The following SIK3 variants were observed in gnomAD, a reference collection of about 807,000 sequenced individuals.
SIK3 encodes the protein serine/threonine-protein kinase SIK3.
A neutral mutation model predicts 144.2 loss-of-function variants in SIK3; 28 were observed. The observed-to-expected ratio is 0.19, with a 90% CI of 0.14 to 0.27. The LOEUF is 0.27. Ranked by LOEUF, SIK3 falls within the 10% of genes least tolerant of loss-of-function variation. The pLI, the probability that SIK3 is intolerant of heterozygous loss-of-function variation, is 1.00. For synonymous variants in SIK3, 686 were observed against 676.3 expected (o/e 1.01, Z -0.22); for missense variants, 1,319 against 1,776.0 (o/e 0.74, Z 4.62).
rs117439578 is a variant in SIK3 at position 116,921,719 on chromosome 11, G to A, written c.616+5500C>T. Reference sequence around the variant, plus strand: ...TCAAGGCTTCTTCTGTATTACTAATGACAGAAACATCTCTTTAAAAATTCT... The same window carrying A: ...TCAAGGCTTCTTCTGTATTACTAATAACAGAAACATCTCTTTAAAAATTCT... On this transcript the variant is annotated intron_variant, in intron 4 of 24. Transcript: ENST00000445177. Among the ~76,000 whole-genome samples the A allele has an allele frequency of 4.1e-3, 620 of 152,158 alleles. 3 individuals are homozygous for A. The highest frequency in any genetic ancestry group is 0.017 in the Middle Eastern group (5 of 294).
At chr11:116,991,410 G>A (rs1472407375) in intron 1 of SIK3, among the ~76,000 whole-genome samples, 1 of 152,206 alleles carries the variant, frequency 6.6e-6, no homozygotes, top group African/African-American at 2.4e-5. Context: ...TCATGCCACT[G>A]CGCTCCAGTA....
intron 1 of SIK3, among the ~76,000 whole-genome samples, chr11:116,991,862 G>A (rs1385849700): frequency 2.0e-5 from 3 of 152,034 alleles, no homozygotes; most frequent in Non-Finnish European, 4.4e-5. Context: ...GACATCTTCA[G>A]GCAAAATTAA....
intron 1 of SIK3, among the ~76,000 whole-genome samples, chr11:117,063,497 T>A (rs922513513): frequency 6.6e-6 from 1 of 151,968 alleles, no homozygotes; most frequent in Admixed American, 6.6e-5. Flanking sequence ...AGGTAAATAA[T>A]CCTTCTGGCC....
At chr11:117,048,909 T>G (rs1180890536) in intron 1 of SIK3, among the ~76,000 whole-genome samples, 3 of 152,150 alleles carry the variant, frequency 2.0e-5, no homozygotes, top group Non-Finnish European at 4.4e-5. Context: ...GAGACCACCC[T>G]GACCAACATG....
intron 18 of SIK3, 67 bp downstream of exon 18, chr11:116,861,774 G>T: frequency 2.9e-6 from 3 of 1,044,570 alleles, no homozygotes; most frequent in Non-Finnish European, 2.9e-6. Flanking sequence ...ATATCTCCCA[G>T]TGAGTCAAGC....
chr11:117,054,346 C>T (rs1953409295), intron 1 of SIK3, among the ~76,000 whole-genome samples: 1 of 152,164 alleles, frequency 6.6e-6, no homozygotes. Context: ...ACAGAACAGT[C>T]AGTAGTCTGC....
intron 3 of SIK3, among the ~76,000 whole-genome samples, chr11:116,951,084 C>CT (rs1948913555): frequency 6.6e-6 from 1 of 152,196 alleles, no homozygotes; most frequent in South Asian, 2.1e-4. Context: ...CTCATTTAAT[C>CT]TTCACAACTA....
chr11:116,933,428 T>C (rs7107702), intron 3 of SIK3, among the ~76,000 whole-genome samples: 48,066 of 152,110 alleles, frequency 0.32, 8,689 homozygotes, highest in African/African-American at 0.5. Context: ...CGTGAGCCAC[T>C]GCACCTGGCC....
At chr11:116,982,957 AAAAAAAAAAAAAT>A (rs1181477596) in intron 1 of SIK3, among the ~76,000 whole-genome samples, 1 of 150,964 alleles carries the variant, frequency 6.6e-6, no homozygotes, top group East Asian at 2.0e-4. Flanking sequence ...AAAAAAAAAA[AAAAAAAAAAAAAT>A]TTCTGACCCG....
chr11:116,984,248 A>G (rs1950251292), intron 1 of SIK3, among the ~76,000 whole-genome samples: 1 of 152,132 alleles, frequency 6.6e-6, no homozygotes, highest in African/African-American at 2.4e-5. Flanking sequence ...CATATATCCC[A>G]GAAGAGAAAT....
intron 4 of SIK3, among the ~76,000 whole-genome samples, chr11:116,915,201 G>A (rs1378324904): frequency 1.3e-5 from 2 of 150,056 alleles, no homozygotes; most frequent in Non-Finnish European, 1.5e-5. Flanking sequence ...GGGGGCAGGC[G>A]GTGGGATAGA....
intron 15 of SIK3, among the ~76,000 whole-genome samples, chr11:116,866,771 T>TA (rs1327803338): frequency 6.6e-6 from 1 of 151,548 alleles, no homozygotes; most frequent in Non-Finnish European, 1.5e-5. Flanking sequence ...ACGAACACTG[T>TA]AAGTCCTGAG....
chr11:116,953,008 T>C (rs1036014591), intron 3 of SIK3, among the ~76,000 whole-genome samples: 7 of 152,084 alleles, frequency 4.6e-5, no homozygotes, highest in Non-Finnish European at 1.0e-4. Flanking sequence ...AATTAAGAAA[T>C]AATGATACCT....
At chr11:116,890,495 T>A (rs1428024223) in intron 6 of SIK3, among the ~76,000 whole-genome samples, 1 of 152,202 alleles carries the variant, frequency 6.6e-6, no homozygotes, top group Non-Finnish European at 1.5e-5. Flanking sequence ...ATTTACTAAG[T>A]CCTACTACAC....
In SIK3 at chr11:116,844,618, A is replaced by ATT. The variant is rs1555059292; in HGVS notation, c.*1024_*1025insAA. 1 of 40,758 alleles carries ATT rather than the reference A, an allele frequency of 2.5e-5. No homozygotes were observed. The highest frequency in any genetic ancestry group is 2.1e-4 in the African/African-American group (1 of 4,768). The allele number at this position is 40,758 out of a possible 1,614,324, so 2.5% of individuals were successfully genotyped here. Reference sequence around the variant, plus strand: ...TATTTTATATATATATTATATATATAATATATATATAATATATTATATTAT... The same window carrying ATT: ...TATTTTATATATATATTATATATATATTATATATATATAATATATTATATTAT... On this transcript the variant is annotated 3_prime_UTR_variant, in exon 25 of 25. Transcript: ENST00000445177.
chr11:116,987,984 C>A (rs1459060957), intron 1 of SIK3, among the ~76,000 whole-genome samples: 3 of 152,180 alleles, frequency 2.0e-5, no homozygotes, highest in Non-Finnish European at 1.5e-5. Flanking sequence ...CACAGCACCA[C>A]GTACTGTGAG....
intron 1 of SIK3, among the ~76,000 whole-genome samples, chr11:116,984,475 G>A (rs1018051650): frequency 1.3e-5 from 2 of 151,992 alleles, no homozygotes; most frequent in Non-Finnish European, 2.9e-5. Context: ...ACTTCACTTC[G>A]CTCCCCTCTG....
At chr11:116,847,654 T>A in intron 22 of SIK3, 46 bp from the exon 23 acceptor site, 10 of 1,610,974 alleles carry the variant, frequency 6.2e-6, no homozygotes, top group Non-Finnish European at 8.5e-6. Context: ...AAGACACCAC[T>A]CTCAGGCAAC....
At chr11:117,042,341 TA>T (rs1369078549) in intron 1 of SIK3, among the ~76,000 whole-genome samples, 1 of 152,208 alleles carries the variant, frequency 6.6e-6, no homozygotes, top group Non-Finnish European at 1.5e-5. Context: ...AATACGCTAG[TA>T]AACGCAATTC....
Sources: gnomAD v4.1 joint callset for allele counts (sites outside exome capture counted in the v4.1 genomes callset) on GRCh38, gnomAD v4.1.1 for gene constraint, MANE v1.5 for transcripts, NCBI Gene and HGNC (gene_info 2026-07-23, HGNC 2026-07-21) for gene names.